Variants in INPP4B observed in about 807,000 individuals in gnomAD.
INPP4B encodes inositol polyphosphate-4-phosphatase type II B, also known as inositol polyphosphate 4-phosphatase type II.
Under a neutral mutation model 122.5 loss-of-function variants are expected in INPP4B, and 55 were observed. The ratio of observed to expected loss-of-function variants is 0.45; its 90% CI spans 0.36 to 0.56. The LOEUF (loss-of-function observed/expected upper bound fraction) is 0.56, where lower values mean the gene tolerates loss of function less well. Among genes scored for constraint, INPP4B ranks in the 20% least tolerant of loss-of-function variants. The pLI is 0.00. For missense variants in INPP4B, 1,000 were observed against 1,097.7 expected, an observed-to-expected ratio of 0.91 and a Z score of 1.26; for synonymous variants, 403 against 388.7, an observed-to-expected ratio of 1.04 and a Z score of -0.43.
intron 16 of INPP4B, among the ~76,000 whole-genome samples, chr4:142,160,902 G>A (rs1819786638): frequency 6.6e-6 from 1 of 151,962 alleles, no homozygotes; most frequent in Admixed American, 6.6e-5. Context: ...TCTACCTGCT[G>A]CAGCTTTCAA....
At chr4:142,069,354 G>C (rs978902522) in intron 25 of INPP4B, among the ~76,000 whole-genome samples, 2 of 152,188 alleles carry the variant, frequency 1.3e-5, no homozygotes, top group Non-Finnish European at 2.9e-5. Context: ...GCAATGTATA[G>C]CACTAAATGC....
At chr4:142,305,043 T>C (rs952246218) in intron 9 of INPP4B, among the ~76,000 whole-genome samples, 4 of 152,114 alleles carry the variant, frequency 2.6e-5, no homozygotes, top group Non-Finnish European at 5.9e-5. Flanking sequence ...GAAAAAAGAA[T>C]AATCAGCTTA....
At chr4:142,785,436 G>A (rs1236532647) in intron 1 of INPP4B, among the ~76,000 whole-genome samples, 2 of 151,844 alleles carry the variant, frequency 1.3e-5, no homozygotes, top group African/African-American at 4.8e-5. Context: ...AATGAGAAAA[G>A]TATCCAAGTA....
At chr4:142,645,553 C>A (rs1011635714) in intron 2 of INPP4B, among the ~76,000 whole-genome samples, 2 of 152,148 alleles carry the variant, frequency 1.3e-5, no homozygotes, top group African/African-American at 4.8e-5. Context: ...CTGTGCTATC[C>A]ACATCCTCTT....
chr4:142,659,081 A>G (rs1260712171), intron 2 of INPP4B, among the ~76,000 whole-genome samples: 1 of 152,090 alleles, frequency 6.6e-6, no homozygotes, highest in African/African-American at 2.4e-5. Context: ...CAAACCATTC[A>G]GTCCTATAAT....
At chr4:142,292,634 C>A (rs984338789) in intron 9 of INPP4B, among the ~76,000 whole-genome samples, 1 of 152,146 alleles carries the variant, frequency 6.6e-6, no homozygotes, top group Non-Finnish European at 1.5e-5. Context: ...TTAAAAAGTA[C>A]AATAAAATTC....
chr4:142,592,840 C>T (rs754637427), intron 2 of INPP4B, among the ~76,000 whole-genome samples: 16 of 152,074 alleles, frequency 1.1e-4, no homozygotes, highest in Admixed American at 2.6e-4. Flanking sequence ...ATGGCTCATG[C>T]CTGTAATCCC....
chr4:142,734,518 C>CA (rs563146457), intron 1 of INPP4B, among the ~76,000 whole-genome samples: 337 of 152,062 alleles, frequency 2.2e-3, no homozygotes, highest in African/African-American at 7.6e-3. Context: ...ATTCCTTTTG[C>CA]AAAAAATGTA....
chr4:142,654,381 A>C lies in INPP4B; in HGVS notation c.-191+71458T>G, dbSNP rs1209959006. 4.0e-5 allele frequency: 6 copies of C among 151,148 alleles called. 1 individual carries two copies. The highest frequency in any genetic ancestry group is 1.5e-4 in the African/African-American group (6 of 41,196). 9.4% of individuals were successfully genotyped at this position (151,148 alleles called of 1,614,324 possible). ...AACTTAAAGTATAAAAAAAAAAAAAAAAAAAAAACATAAAATGAGTTAGAG... is the reference window on the plus strand; with the variant it reads ...AACTTAAAGTATAAAAAAAAAAAAACAAAAAAAACATAAAATGAGTTAGAG... On this transcript the variant is annotated intron_variant, in intron 2 of 25. Coordinates refer to ENST00000262992, the MANE Select transcript of INPP4B (RefSeq NM_001101669.3).
chr4:142,845,744 C>A (rs548580778), intron 1 of INPP4B, among the ~76,000 whole-genome samples: 1 of 151,450 alleles, frequency 6.6e-6, no homozygotes, highest in Non-Finnish European at 1.5e-5. Flanking sequence ...GCGGCGGCGG[C>A]GGCGGCGGCG....
At chr4:142,606,034 A>T (rs1287107187) in intron 2 of INPP4B, among the ~76,000 whole-genome samples, 8 of 152,178 alleles carry the variant, frequency 5.3e-5, no homozygotes, top group Non-Finnish European at 1.5e-5. Context: ...AAAATGTGGT[A>T]TACATATGCA....
intron 2 of INPP4B, among the ~76,000 whole-genome samples, chr4:142,492,937 G>C (rs1259761960): frequency 6.6e-6 from 1 of 152,190 alleles, no homozygotes; most frequent in Non-Finnish European, 1.5e-5. Context: ...AGACCTAGGA[G>C]GGAAAAATGG....
chr4:142,413,082 G>T (rs1226054563), intron 5 of INPP4B, among the ~76,000 whole-genome samples: 1 of 152,170 alleles, frequency 6.6e-6, no homozygotes, highest in East Asian at 1.9e-4. Flanking sequence ...AAAGGACCAT[G>T]CATCGCTGCC....
chr4:142,358,426 G>T (rs1279725646), intron 7 of INPP4B, among the ~76,000 whole-genome samples: 4 of 151,814 alleles, frequency 2.6e-5, no homozygotes, highest in Non-Finnish European at 4.4e-5. Context: ...CACCCCAAGG[G>T]CTGAGAAGAT....
intron 10 of INPP4B, among the ~76,000 whole-genome samples, chr4:142,268,643 T>C (rs1468113619): frequency 6.6e-6 from 1 of 152,040 alleles, no homozygotes; most frequent in Admixed American, 6.5e-5. Context: ...GGAAATGTGG[T>C]ATATACCACA....
intron 7 of INPP4B, among the ~76,000 whole-genome samples, chr4:142,369,735 G>A (rs541120575): frequency 9.9e-5 from 15 of 151,494 alleles, no homozygotes; most frequent in South Asian, 8.3e-4. Flanking sequence ...GAGACCGGCC[G>A]GGCCAACATG....
intron 15 of INPP4B, among the ~76,000 whole-genome samples, chr4:142,181,167 T>C (rs925336614): frequency 2.0e-5 from 3 of 152,172 alleles, no homozygotes; most frequent in African/African-American, 7.2e-5. Context: ...TGTCTATGAA[T>C]ATCCTGAGGA....
At chr4:142,038,843 G>A (rs998769994) in intron 25 of INPP4B, among the ~76,000 whole-genome samples, 16 of 152,180 alleles carry the variant, frequency 1.1e-4, no homozygotes, top group African/African-American at 3.4e-4. Context: ...CATGCAATAC[G>A]ACGTCTTTTT....
intron 1 of INPP4B, among the ~76,000 whole-genome samples, chr4:142,791,483 A>G (rs2151065187): frequency 6.6e-6 from 1 of 152,186 alleles, no homozygotes; most frequent in Non-Finnish European, 1.5e-5. Flanking sequence ...TGCAGCCAGC[A>G]AGGGGTAGAT....
Sources: gnomAD v4.1 joint callset for allele counts (sites outside exome capture counted in the v4.1 genomes callset) on GRCh38, gnomAD v4.1.1 for gene constraint, MANE v1.5 for transcripts, NCBI Gene and HGNC (gene_info 2026-07-23, HGNC 2026-07-21) for gene names.